The following GIGYF2 variants were observed in gnomAD, a reference collection of about 807,000 sequenced individuals.
GIGYF2 encodes the protein GRB10 interacting GYF protein 2.
GIGYF2 carries 25 observed loss-of-function variants against 208.1 expected under a neutral mutation model. That is an observed-to-expected ratio of 0.12 (90% CI 0.09 to 0.17). The LOEUF is 0.17. Among genes scored for constraint, GIGYF2 ranks in the 10% least tolerant of loss-of-function variants. GIGYF2 has a pLI of 1.00. For missense variants in GIGYF2, 1,302 were observed against 1,579.4 expected, an observed-to-expected ratio of 0.82 and a Z score of 2.98; for synonymous variants, 534 against 543.8, an observed-to-expected ratio of 0.98 and a Z score of 0.25.
chr2:232,729,501 A>G (rs1697354306), intron 2 of GIGYF2: 1 of 1,195,236 alleles, frequency 8.4e-7, no homozygotes, highest in Admixed American at 2.7e-5. Context: ...TTTTATTTAA[A>G]TGCCATGACC....
intron 21 of GIGYF2, among the ~76,000 whole-genome samples, chr2:232,826,096 G>T (rs1701237949): frequency 6.6e-6 from 1 of 152,106 alleles, no homozygotes; most frequent in Admixed American, 6.5e-5. Flanking sequence ...TCTTAATCCA[G>T]TCTATCATTG....
Position 232,847,543 on chromosome 2 carries a change from A to G in GIGYF2, c.3656A>G (p.Gln1219Arg), listed in dbSNP as rs1702061404. 6.2e-7 allele frequency: 1 copy of G among 1,610,836 alleles called. No individual in the cohort carries two copies. The highest frequency in any genetic ancestry group is 1.7e-5 in the Admixed American group (1 of 59,992). The change falls in exon 27 of 29, where the codon CAG (glutamine) becomes CGG (arginine). Residue 1219 changes from glutamine (Q) to arginine (R), a missense_variant. This residue lies in a region of GIGYF2 where 701 missense variants were observed against 793.0 expected (regional missense o/e 0.88). Transcript: ENST00000373563. ...LPQQQQQQPP[Q>R]QPPQQPQQQD... ...CAGCAGCAGCAGCAGCAGCCGCCAC[A>G]GCAGCCGCCACAGCAGCCACAACAG...
chr2:232,814,969 A>G (rs140346546), intron 18 of GIGYF2, among the ~76,000 whole-genome samples: 1 of 152,342 alleles, frequency 6.6e-6, no homozygotes, highest in African/African-American at 2.4e-5. Flanking sequence ...AAATGAACTC[A>G]GAAACCATTA....
At chr2:232,749,660 C>A (rs143330490) in intron 5 of GIGYF2, among the ~76,000 whole-genome samples, 191 of 152,118 alleles carry the variant, frequency 1.3e-3, no homozygotes, top group Non-Finnish European at 1.9e-3. Flanking sequence ...CTTATGATAA[C>A]TGTAGAAAAA....
intron 8 of GIGYF2, among the ~76,000 whole-genome samples, chr2:232,782,164 C>T (rs1559427627): frequency 6.6e-6 from 1 of 152,086 alleles, no homozygotes; most frequent in South Asian, 2.1e-4. Context: ...TTGAGTAAAA[C>T]AAACAAGCAA....
Position 232,790,785 on chromosome 2 carries a change from G to C in GIGYF2, c.800G>C (p.Gly267Ala). Residue 267 changes from glycine (G) to alanine (A), a missense_variant, in exon 10 of 29, where the codon GGT (glycine) becomes GCT (alanine). This residue lies in a region of GIGYF2 where 50 missense variants were observed against 42.3 expected (regional missense o/e 1.18). Transcript: ENST00000373563. ...TTTCGAGATAGAGATGATGAACGGG[G>C]TTACCGAAGGGTTCGCTCTGGCAGT... ...FDFRDRDDER[G>A]YRRVRSGSGS... 6.2e-7 allele frequency: 1 copy of C among 1,614,108 alleles called. No homozygotes were observed. The highest frequency in any genetic ancestry group is 8.5e-7 in the Non-Finnish European group (1 of 1,179,980).
chr2:232,815,668 T>G lies in GIGYF2; in HGVS notation c.2139T>G (p.Pro713=). The G allele has an allele frequency of 6.2e-7, 1 of 1,604,700 alleles. No individual in the cohort carries two copies. The highest frequency in any genetic ancestry group is 8.5e-7 in the Non-Finnish European group (1 of 1,171,432). The change falls in exon 19 of 29, where the codon CCT becomes CCG. Residue 713 remains proline, a synonymous_variant. Transcript: ENST00000373563. ...AAGGTGGTAGTGTATGGGATCTTCC[T>G]CTGGACACCACGACACCAGGCCCTG... ...VWEGGSVWDL[P]LDTTTPGPAL...
At chr2:232,787,044 G>T in intron 8 of GIGYF2, 106 bp from the exon 9 acceptor site, 1 of 791,316 alleles carries the variant, frequency 1.3e-6, no homozygotes, top group Admixed American at 1.9e-5. Flanking sequence ...TCTGAATATT[G>T]AAATGGACCC....
chr2:232,725,689 G>A (rs562333353), intron 2 of GIGYF2, among the ~76,000 whole-genome samples: 81 of 152,262 alleles, frequency 5.3e-4, no homozygotes, highest in Non-Finnish European at 9.1e-4. Flanking sequence ...AGCTTACTTC[G>A]CATAGTTCAT....
At chr2:232,846,990 A>G (rs1045475684) in intron 26 of GIGYF2, among the ~76,000 whole-genome samples, 3 of 152,230 alleles carry the variant, frequency 2.0e-5, no homozygotes, top group African/African-American at 7.2e-5. Context: ...TGTTTTCTTT[A>G]GTGTATGTTG....
intron 13 of GIGYF2, 39 bp from the exon 14 acceptor site, chr2:232,796,023 G>A: frequency 6.6e-7 from 1 of 1,504,000 alleles, no homozygotes; most frequent in Non-Finnish European, 9.3e-7. Context: ...ACTAATTTAG[G>A]ATCATTTGTT....
chr2:232,698,409 T>C (rs1460582249), intron 1 of GIGYF2: 1 of 152,208 alleles, frequency 6.6e-6, no homozygotes, highest in Non-Finnish European at 1.5e-5. Context: ...GCAGTTTTGA[T>C]TCCCAATGTT....
chr2:232,735,372 G>A, intron 3 of GIGYF2, 134 bp downstream of exon 3: 1 of 694,744 alleles, frequency 1.4e-6, no homozygotes, highest in Middle Eastern at 2.4e-4. Context: ...TGAAAACAAT[G>A]TGTTAGTTCA....
At chr2:232,846,319 G>C (rs962995337) in intron 26 of GIGYF2, among the ~76,000 whole-genome samples, 2 of 152,204 alleles carry the variant, frequency 1.3e-5, no homozygotes, top group Non-Finnish European at 2.9e-5. Context: ...GATAAAGCAA[G>C]TACACTTATT....
chr2:232,759,858 C>T (rs896578196), intron 6 of GIGYF2, among the ~76,000 whole-genome samples: 1 of 152,226 alleles, frequency 6.6e-6, no homozygotes, highest in East Asian at 1.9e-4. Flanking sequence ...TCCCTATGCC[C>T]AGACACTCTA....
intron 3 of GIGYF2, chr2:232,736,079 T>C (rs1252381235): frequency 4.8e-5 from 46 of 966,680 alleles, no homozygotes; most frequent in Non-Finnish European, 5.7e-5. Context: ...TAACTTATCC[T>C]ATTAGAAATA....
At chr2:232,818,508 C>T (rs1469524869) in intron 20 of GIGYF2, among the ~76,000 whole-genome samples, 1 of 152,144 alleles carries the variant, frequency 6.6e-6, no homozygotes, top group Non-Finnish European at 1.5e-5. Flanking sequence ...TCCAGTTTTC[C>T]CACCACCATT....
intron 2 of GIGYF2, among the ~76,000 whole-genome samples, chr2:232,716,411 C>G (rs1696684096): frequency 7.6e-6 from 1 of 132,184 alleles, no homozygotes; most frequent in Non-Finnish European, 1.5e-5. Context: ...CAGAGTCTCA[C>G]TCTGTCACTC....
chr2:232,828,489 G>A (rs1190222163), intron 21 of GIGYF2, among the ~76,000 whole-genome samples: 1 of 151,100 alleles, frequency 6.6e-6, no homozygotes, highest in Non-Finnish European at 1.5e-5. Flanking sequence ...GTCTCACTCT[G>A]TTGCCCACAG....
Sources: allele counts gnomAD v4.1 joint callset (sites outside exome capture counted in the v4.1 genomes callset), GRCh38; gene constraint gnomAD v4.1.1; regional missense constraint gnomAD v4.1.1; transcripts MANE v1.5; gene names NCBI Gene and HGNC (gene_info 2026-07-23, HGNC 2026-07-21).